The following CACNG2 variants were observed in gnomAD, a reference collection of about 807,000 sequenced individuals.
The protein encoded by CACNG2 is voltage-dependent calcium channel gamma-2 subunit.
CACNG2 carries 3 observed loss-of-function variants against 25.9 expected under a neutral mutation model. That is an observed-to-expected ratio of 0.12 (90% CI 0.05 to 0.30). The LOEUF (loss-of-function observed/expected upper bound fraction) is 0.30, where lower values mean the gene tolerates loss of function less well. Ranked by LOEUF, CACNG2 falls within the 10% of genes least tolerant of loss-of-function variation. The pLI, the probability that CACNG2 is intolerant of heterozygous loss-of-function variation, is 1.00. For synonymous variants in CACNG2, 167 were observed against 173.3 expected (o/e 0.96, Z 0.29); for missense variants, 341 against 432.5 (o/e 0.79, Z 1.88).
chr22:36,627,627 G>C (rs1255155135), intron 1 of CACNG2, among the ~76,000 whole-genome samples: 3 of 148,362 alleles, frequency 2.0e-5, no homozygotes, highest in South Asian at 2.2e-4. Context: ...AAAGCAGTTA[G>C]CATGAATGAC....
intron 1 of CACNG2, among the ~76,000 whole-genome samples, chr22:36,589,002 T>C (rs930112097): frequency 6.4e-5 from 9 of 141,048 alleles, no homozygotes; most frequent in East Asian, 2.0e-4. Context: ...TTTTTTTTTT[T>C]CCCCCTGAAA....
intron 1 of CACNG2, among the ~76,000 whole-genome samples, chr22:36,648,091 A>G (rs886498244): frequency 3.2e-4 from 49 of 152,364 alleles, no homozygotes; most frequent in African/African-American, 1.1e-3. Context: ...ATGCTCAAAC[A>G]TGTATTTTTT....
chr22:36,595,432 G>A (rs747935465), intron 1 of CACNG2, among the ~76,000 whole-genome samples: 3 of 152,212 alleles, frequency 2.0e-5, no homozygotes, highest in Non-Finnish European at 4.4e-5. Flanking sequence ...CACGGCAAAT[G>A]CTACAAACCA....
rs747065537 is a variant in CACNG2 at position 36,561,788 on chromosome 22, C to T, written c.*2563G>A. The T allele has an allele frequency of 6.6e-6, 1 of 152,302 alleles. No individual in the cohort carries two copies. The highest frequency in any genetic ancestry group is 1.9e-4 in the East Asian group (1 of 5,196). 9.4% of individuals were successfully genotyped at this position (152,302 alleles called of 1,614,324 possible). On this transcript the variant is annotated 3_prime_UTR_variant, in exon 4 of 4. Transcript: ENST00000300105. ...TTGGATTTCTGTCAGTCTGAACTGG[C>T]CCTTGTCACTCTGGGGAAGAAAGGG...
chr22:36,688,308 A>C (rs55667412), intron 1 of CACNG2, among the ~76,000 whole-genome samples: 4,655 of 152,080 alleles, frequency 0.031, 257 homozygotes, highest in African/African-American at 0.11. Flanking sequence ...ACTTTGGGAG[A>C]TGGAGGTGAG....
chr22:36,577,748 G>A (rs1935348413), intron 2 of CACNG2, among the ~76,000 whole-genome samples: 1 of 151,954 alleles, frequency 6.6e-6, no homozygotes, highest in Admixed American at 6.6e-5. Flanking sequence ...GGAACATTTT[G>A]CTCTGGTTCT....
chr22:36,625,372 G>T (rs557662523), intron 1 of CACNG2, among the ~76,000 whole-genome samples: 29 of 152,240 alleles, frequency 1.9e-4, no homozygotes, highest in South Asian at 1.9e-3. Context: ...ATCACATTCT[G>T]CCTTGAGGTT....
rs35964599 is a variant in CACNG2 at position 36,688,539 on chromosome 22, C to CAAAAAAA, written c.211+13820_211+13826dup. Among the ~76,000 whole-genome samples, 175 of 70,112 alleles carry CAAAAAAA rather than the reference C, an allele frequency of 2.5e-3. 1 individual carries two copies. Among genetic ancestry groups the CAAAAAAA allele is most frequent in the African/African-American group, 8.6e-3 (167 of 19,442 alleles). The allele number at this position is 70,112 out of a possible 152,430, so 46.0% of individuals were successfully genotyped here. On this transcript the variant is annotated intron_variant, in intron 1 of 3. Transcript: ENST00000300105. ...TGGGCGACAGAGTGAGACCCTGTCT[C>CAAAAAAA]AAAAAAAAAAAAAAAAAAAAAGTAG...
intron 2 of CACNG2, among the ~76,000 whole-genome samples, chr22:36,577,380 G>A (rs1004657827): frequency 2.6e-5 from 4 of 152,090 alleles, no homozygotes; most frequent in Non-Finnish European, 4.4e-5. Flanking sequence ...GGCCGGGCGC[G>A]GTGGTTCACA....
At chr22:36,644,805 T>C (rs1417959910) in intron 1 of CACNG2, among the ~76,000 whole-genome samples, 2 of 152,072 alleles carry the variant, frequency 1.3e-5, no homozygotes, top group African/African-American at 4.8e-5. Context: ...TGGTTTTTTT[T>C]GTTTGTTTTT....
At chr22:36,662,071 C>T (rs1936807156) in intron 1 of CACNG2, among the ~76,000 whole-genome samples, 1 of 149,668 alleles carries the variant, frequency 6.7e-6, no homozygotes, top group Non-Finnish European at 1.5e-5. Flanking sequence ...GCTCCACCTC[C>T]CAGGTCAAGC....
Position 36,631,935 on chromosome 22 carries a change from G to C in CACNG2, c.212-44387C>G, listed in dbSNP as rs192444497. 9.9e-5 allele frequency among the ~76,000 whole-genome samples: 15 copies of C among 152,202 alleles called. 1 individual carries two copies. Among genetic ancestry groups the C allele is most frequent in the Admixed American group, 5.9e-4 (9 of 15,288 alleles). ...GACTCCAATGCTCATGCCCTTCTGAGAGTTGGATTCAATGGGAATCAGAAT... is the reference window on the plus strand; with the variant it reads ...GACTCCAATGCTCATGCCCTTCTGACAGTTGGATTCAATGGGAATCAGAAT... On this transcript the variant is annotated intron_variant, in intron 1 of 3. Coordinates refer to ENST00000300105, the MANE Select transcript of CACNG2 (RefSeq NM_006078.5).
rs2145952627 is a variant in CACNG2 at position 36,624,677 on chromosome 22, A to AT, written c.212-37130dup. Among the ~76,000 whole-genome samples, 3 of 152,184 alleles carry AT rather than the reference A, an allele frequency of 2.0e-5. No homozygotes were observed. The South Asian group carries it at 6.3e-4, about 32-fold the overall frequency. ...GAACACCTTCAAGGTGGCTTGAATT[A>AT]TCCCCAACCCCAGGGCCTGGATTCT... is the stretch of plus-strand genomic sequence containing the variant. On this transcript the variant is annotated intron_variant, in intron 1 of 3. Coordinates refer to ENST00000300105, the MANE Select transcript of CACNG2 (RefSeq NM_006078.5).
intron 1 of CACNG2, among the ~76,000 whole-genome samples, chr22:36,595,434 T>C (rs1445170195): frequency 6.6e-6 from 1 of 152,196 alleles, no homozygotes; most frequent in Admixed American, 6.5e-5. Context: ...CGGCAAATGC[T>C]ACAAACCAAG....
intron 1 of CACNG2, among the ~76,000 whole-genome samples, chr22:36,694,534 G>A (rs1937308532): frequency 6.6e-6 from 1 of 152,308 alleles, no homozygotes; most frequent in South Asian, 2.1e-4. Flanking sequence ...TCAAATTGCA[G>A]CTGAAATCCT....
At chr22:36,668,756 A>C (rs1427254504) in intron 1 of CACNG2, among the ~76,000 whole-genome samples, 1 of 152,122 alleles carries the variant, frequency 6.6e-6, no homozygotes, top group Non-Finnish European at 1.5e-5. Context: ...TTGGCCTCCC[A>C]AAGTGCTGGG....
At chr22:36,607,075 G>C (rs979789028) in intron 1 of CACNG2, among the ~76,000 whole-genome samples, 1 of 152,080 alleles carries the variant, frequency 6.6e-6, no homozygotes, top group East Asian at 1.9e-4. Flanking sequence ...TTAAGTAGGA[G>C]GTTAATGTGA....
chr22:36,660,622 C>T (rs192806371), intron 1 of CACNG2, among the ~76,000 whole-genome samples: 231 of 152,354 alleles, frequency 1.5e-3, no homozygotes, highest in African/African-American at 5.4e-3. Context: ...ACCAGCCTGG[C>T]CCCCCACCTT....
At chr22:36,684,918 G>A (rs749979236) in intron 1 of CACNG2, among the ~76,000 whole-genome samples, 1 of 152,142 alleles carries the variant, frequency 6.6e-6, no homozygotes, top group Non-Finnish European at 1.5e-5. Flanking sequence ...GCTGGATCGC[G>A]CTGCCCAATC....
Sources: allele counts gnomAD v4.1 joint callset (sites outside exome capture counted in the v4.1 genomes callset), GRCh38; gene constraint gnomAD v4.1.1; transcripts MANE v1.5; gene names NCBI Gene and HGNC (gene_info 2026-07-23, HGNC 2026-07-21).